The following PSMC2 variants were observed in gnomAD, a reference collection of about 807,000 sequenced individuals.
The protein encoded by PSMC2 is 26S proteasome regulatory subunit 7.
In PSMC2, 7 loss-of-function variants were observed where a neutral mutation model predicts 53.3. The ratio of observed to expected loss-of-function variants is 0.13; its 90% CI spans 0.07 to 0.25. PSMC2 has a LOEUF of 0.25. Ranked by LOEUF, PSMC2 falls within the 10% of genes least tolerant of loss-of-function variation. The pLI is 1.00. For missense variants in PSMC2, 241 were observed against 544.0 expected (o/e 0.44, Z 5.54); for synonymous variants, 169 against 183.9 (o/e 0.92, Z 0.66).
rs1429889430 is a variant in PSMC2 at position 103,349,519 on chromosome 7, G to A, written c.70+1738G>A. Among the ~76,000 whole-genome samples the A allele has an allele frequency of 4.0e-5, 6 of 151,766 alleles. No homozygotes were observed. In the South Asian group the frequency reaches 8.3e-4, roughly 21 times the overall value. On this transcript the variant is annotated intron_variant, in intron 1 of 11. Transcript: ENST00000292644. The stretch of plus-strand genomic sequence containing the variant: ...GCTGGAGTGCAGAGATGTGATCTCA[G>A]CTCACTGCAATCGCTGCCTCCTGGG...
chr7:103,365,909 CAG>C (rs1820694925), intron 8 of PSMC2, among the ~76,000 whole-genome samples, 165 bp from the exon 9 acceptor site: 1 of 152,042 alleles, frequency 6.6e-6, no homozygotes, highest in South Asian at 2.1e-4. Context: ...GCCTGGGCGA[CAG>C]AGGAAGACTC....
At chr7:103,364,083 AAGT>A in intron 7 of PSMC2, 57 bp from the exon 8 acceptor site, 1 of 1,504,762 alleles carries the variant, frequency 6.6e-7, no homozygotes, top group Non-Finnish European at 9.1e-7. Context: ...GTTGATTTAG[AAGT>A]AGTCTGATTT....
Position 103,347,650 on chromosome 7 carries a change from C to T in PSMC2, c.-62C>T. The T allele has an allele frequency of 6.3e-7, 1 of 1,593,990 alleles. No homozygotes were observed. The highest frequency in any genetic ancestry group is 8.6e-7 in the Non-Finnish European group (1 of 1,162,476). ...GGTGGGGAAGGGAAAGGGAAGACAC[C>T]ACCGGAAGCAAGGAAGGTGCTGTGT... On this transcript the variant is annotated 5_prime_UTR_variant, in exon 1 of 12. Coordinates refer to ENST00000292644, the MANE Select transcript of PSMC2 (RefSeq NM_002803.4).
intron 1 of PSMC2, among the ~76,000 whole-genome samples, chr7:103,351,561 T>G (rs1159954569): frequency 6.6e-6 from 1 of 152,220 alleles, no homozygotes. Context: ...GCATAAACCC[T>G]GTAGTTTGTA....
intron 8 of PSMC2, among the ~76,000 whole-genome samples, chr7:103,365,842 C>T (rs937841808): frequency 1.3e-5 from 2 of 152,030 alleles, no homozygotes; most frequent in Non-Finnish European, 2.9e-5. Flanking sequence ...GTAGGGGAAT[C>T]GCTTGAACCC....
intron 1 of PSMC2, chr7:103,348,718 C>T: frequency 6.3e-7 from 1 of 1,578,202 alleles, no homozygotes; most frequent in East Asian, 2.2e-5. Context: ...CAATATGTGC[C>T]GCCAGTGTTT....
rs760364660 is a variant in PSMC2 at position 103,353,904 on chromosome 7, T to C, written c.71-17T>C. 3 of 1,598,312 alleles carry C rather than the reference T, an allele frequency of 1.9e-6. No homozygotes were observed. The highest frequency in any genetic ancestry group is 1.1e-5 in the South Asian group (1 of 88,950). On this transcript the variant is annotated splice_polypyrimidine_tract_variant and intron_variant, in intron 1 of 11. Transcript: ENST00000292644. ...TAGTTTCTTTTTGAATCTCACGTAT[T>C]GTCTCTCTTCTTTCAGCTCTGGATG... is the stretch of plus-strand genomic sequence containing the variant.
chr7:103,362,438 A>C, intron 5 of PSMC2: 1 of 1,359,130 alleles, frequency 7.4e-7, no homozygotes, highest in African/African-American at 1.5e-5. Context: ...CAACTCACTT[A>C]GTAAATTAAA....
At chr7:103,364,981 A>ATATATATATATATATATATATATATT (rs950613120) in intron 8 of PSMC2, among the ~76,000 whole-genome samples, 46 of 140,764 alleles carry the variant, frequency 3.3e-4, no homozygotes, top group Non-Finnish European at 5.4e-4. Flanking sequence ...ATATATATAT[A>ATATATATATATATATATATATATATT]TATTTAGAGA....
rs368635986 is a variant in PSMC2, at chr7:103,367,625, C to T, written c.1047+10C>T. ...CTTGCCCGATCTAGAGGTAAGAAAA[C>T]CATTTCATTTTAGGAAAGGGATTTT... On this transcript the variant is annotated intron_variant, in intron 10 of 11. Coordinates refer to ENST00000292644, the MANE Select transcript of PSMC2 (RefSeq NM_002803.4). The surrounding 1 kb of genome is among the most constrained non-coding windows in gnomAD (Gnocchi z 6.1). 24 of 1,612,468 alleles carry T rather than the reference C, an allele frequency of 1.5e-5. No homozygotes were observed. The highest frequency in any genetic ancestry group is 2.0e-5 in the Non-Finnish European group (23 of 1,179,234).
At chr7:103,362,585 CTT>C in intron 5 of PSMC2, 99 bp from the exon 6 acceptor site, 14 of 1,446,528 alleles carry the variant, frequency 9.7e-6, no homozygotes, top group Non-Finnish European at 1.2e-5. Flanking sequence ...CTGTCTCTCT[CTT>C]GTTTTCTTAA....
Position 103,354,918 on chromosome 7 carries a change from G to C in PSMC2, c.159G>C (p.Gln53His). 1 of 1,613,016 alleles carries C rather than the reference G, an allele frequency of 6.2e-7. No individual in the cohort carries two copies. Among genetic ancestry groups the C allele is most frequent in the Non-Finnish European group, 8.5e-7 (1 of 1,179,224 alleles). The change falls in exon 3 of 12, where the codon CAG (glutamine) becomes CAC (histidine). Residue 53 changes from glutamine (Q) to histidine (H), a missense_variant. By Grantham distance (24) the Gln-to-His change is conservative. This residue lies in a region of PSMC2 where 75 missense variants were observed against 185.1 expected (regional missense o/e 0.41). Transcript: ENST00000292644. ...TCAAGCAAGTTGAAGATGACATTCA[G>C]CAACTTCTCAAGAAAATTAATGAGC... is the stretch of plus-strand genomic sequence containing the variant. The part of the protein sequence containing the change: ...RQIKQVEDDI[Q>H]QLLKKINELT...
chr7:103,366,423 G>T (rs556179284), intron 9 of PSMC2, among the ~76,000 whole-genome samples: 1 of 152,174 alleles, frequency 6.6e-6, no homozygotes, highest in African/African-American at 2.4e-5. Flanking sequence ...TGTTTGAGAA[G>T]TGTTTTGGAA....
At position 103,348,674 on chromosome 7, in the gene PSMC2, C is replaced by T. The variant is rs141754423; in HGVS notation, c.70+893C>T. ...GGTTCTCGCTCTTGTCGCGTCTGTT[C>T]AAACCGGCACGGTCTGATCCGGAAA... On this transcript the variant is annotated intron_variant, in intron 1 of 11. Transcript: ENST00000292644. The T allele has an allele frequency of 5.8e-5, 92 of 1,588,488 alleles. No individual in the cohort carries two copies. The African/African-American group carries it at 1.1e-3, about 20-fold the overall frequency.
chr7:103,352,407 C>CTTT (rs781095017), intron 1 of PSMC2, among the ~76,000 whole-genome samples: 16 of 118,698 alleles, frequency 1.3e-4, no homozygotes, highest in East Asian at 4.8e-4. Context: ...AGATTATAAT[C>CTTT]TTTTTTTTTT....
intron 4 of PSMC2, among the ~76,000 whole-genome samples, chr7:103,358,834 A>G (rs1820192017): frequency 1.3e-5 from 2 of 152,180 alleles, no homozygotes; most frequent in South Asian, 4.1e-4. Context: ...TTCATAACAG[A>G]CAGACTAGCT....
At chr7:103,364,774 G>C (rs568577178) in intron 8 of PSMC2, among the ~76,000 whole-genome samples, 1 of 151,986 alleles carries the variant, frequency 6.6e-6, no homozygotes, top group African/African-American at 2.4e-5. Flanking sequence ...TTTGGAGATA[G>C]GCAACCACTT....
intron 1 of PSMC2, chr7:103,352,932 A>G (rs1396194300): frequency 7.7e-6 from 6 of 780,756 alleles, no homozygotes; most frequent in Non-Finnish European, 1.4e-5. Context: ...GAAAGCTGAA[A>G]CAAGAGGGTA....
chr7:103,347,670 C>G lies in PSMC2; in HGVS notation c.-42C>G, dbSNP rs775573075. 1 of 1,608,212 alleles carries G rather than the reference C, an allele frequency of 6.2e-7. No individual in the cohort carries two copies. The highest frequency in any genetic ancestry group is 1.7e-4 in the Middle Eastern group (1 of 6,050). On this transcript the variant is annotated 5_prime_UTR_variant, in exon 1 of 12. Transcript: ENST00000292644. ...GACACCACCGGAAGCAAGGAAGGTG[C>G]TGTGTAATCATTAAGGAGCGGAGGC...
Sources: allele counts gnomAD v4.1 joint callset (sites outside exome capture counted in the v4.1 genomes callset), GRCh38; gene constraint gnomAD v4.1.1; regional missense constraint gnomAD v4.1.1; non-coding constraint Gnocchi (gnomAD v3.1); transcripts MANE v1.5; gene names NCBI Gene and HGNC (gene_info 2026-07-23, HGNC 2026-07-21).